Variants in SUGCT observed in about 807,000 individuals in gnomAD.
SUGCT encodes succinyl-CoA:glutarate CoA-transferase.
In SUGCT, 41 loss-of-function variants were observed where a neutral mutation model predicts 55.0. That is an observed-to-expected ratio of 0.74 (90% CI 0.58 to 0.97). The LOEUF is 0.97. SUGCT is among the 50% of genes least tolerant of loss of function. The probability of loss-of-function intolerance (pLI) is 0.00; values close to 1 mark genes in which losing one functional copy is unlikely to be tolerated. For synonymous variants in SUGCT, 187 were observed against 200.4 expected (o/e 0.93, Z 0.56); for missense variants, 568 against 547.8 (o/e 1.04, Z -0.37).
chr7:40,687,766 G>T (rs1774293305), intron 12 of SUGCT, among the ~76,000 whole-genome samples: 1 of 152,100 alleles, frequency 6.6e-6, no homozygotes, highest in African/African-American at 2.4e-5. Context: ...TTTAATTTGT[G>T]CCACCTACAC....
intron 13 of SUGCT, among the ~76,000 whole-genome samples, chr7:40,811,518 T>C (rs1477981536): frequency 6.6e-6 from 1 of 152,072 alleles, no homozygotes; most frequent in African/African-American, 2.4e-5. Context: ...ATTTTGTTTG[T>C]GTGTGGTGGT....
At chr7:40,192,969 G>GT (rs1199959991) in intron 5 of SUGCT, among the ~76,000 whole-genome samples, 4,354 of 138,024 alleles carry the variant, frequency 0.032, 93 homozygotes, top group Non-Finnish European at 0.05. Flanking sequence ...TTGTAGTAGT[G>GT]TTTTTTTTTT....
At chr7:40,850,335 G>C (rs1284348397) in intron 13 of SUGCT, among the ~76,000 whole-genome samples, 1 of 152,168 alleles carries the variant, frequency 6.6e-6, no homozygotes, top group African/African-American at 2.4e-5. Flanking sequence ...CATTTGTAAA[G>C]TGGGGATGAT....
chr7:40,248,005 G>T (rs71536671), intron 7 of SUGCT, among the ~76,000 whole-genome samples: 17,108 of 101,326 alleles, frequency 0.17, 1,014 homozygotes, highest in Admixed American at 0.21. Context: ...TTGTGTTTTT[G>T]TTTTTTTGTT....
intron 13 of SUGCT, among the ~76,000 whole-genome samples, chr7:40,821,263 G>A (rs1791980631): frequency 6.6e-6 from 1 of 152,146 alleles, no homozygotes; most frequent in African/African-American, 2.4e-5. Context: ...TTGGTATCAG[G>A]ATGATGCTGG....
chr7:40,472,059 C>T (rs1289266727), intron 11 of SUGCT, among the ~76,000 whole-genome samples: 3 of 151,978 alleles, frequency 2.0e-5, no homozygotes, highest in Non-Finnish European at 4.4e-5. Flanking sequence ...ATTAGTGTTG[C>T]GTAAGACATA....
At chr7:40,818,656 G>A (rs1439959793) in intron 13 of SUGCT, among the ~76,000 whole-genome samples, 3 of 152,162 alleles carry the variant, frequency 2.0e-5, no homozygotes, top group African/African-American at 7.2e-5. Flanking sequence ...AGAGTAAATG[G>A]GAAGTGAGCC....
At chr7:41,018,687 C>T in the SUGCT span, among the ~76,000 whole-genome samples, 2 of 152,178 alleles carry the variant, frequency 1.3e-5, no homozygotes, top group African/African-American at 4.8e-5. Context: ...TATTCTCTCC[C>T]TACCTAAAAG....
In SUGCT at chr7:40,237,690, G is replaced by A. The variant is rs777838539; in HGVS notation, c.540G>A (p.Ser180=). 4.3e-6 allele frequency: 7 copies of A among 1,613,698 alleles called. No homozygotes were observed. The highest frequency in any genetic ancestry group is 2.2e-5 in the East Asian group (1 of 44,894). ...SQRAGYDAVA[S]AVSGLMHITG... ...GAGCTGGTTATGATGCTGTTGCCTC[G>A]GCTGTTTCTGGTCTGATGCACATCA... The change falls in exon 7 of 14, where the codon TCG becomes TCA. Residue 180 remains serine (S), a synonymous_variant. Coordinates refer to ENST00000335693, the MANE Select transcript of SUGCT (RefSeq NM_001193313.2).
chr7:40,665,381 G>A (rs1490989527), intron 12 of SUGCT, among the ~76,000 whole-genome samples: 2 of 151,864 alleles, frequency 1.3e-5, no homozygotes, highest in Admixed American at 1.3e-4. Context: ...GGTGGAGGTT[G>A]CAGTGAGCCA....
At chr7:40,821,429 C>T (rs1021459836) in intron 13 of SUGCT, among the ~76,000 whole-genome samples, 5 of 152,116 alleles carry the variant, frequency 3.3e-5, no homozygotes, top group Non-Finnish European at 7.4e-5. Context: ...TTAATTATTG[C>T]CTCAATTTTA....
intron 9 of SUGCT, among the ~76,000 whole-genome samples, chr7:40,433,401 A>C (rs975712793): frequency 4.0e-5 from 6 of 151,716 alleles, no homozygotes; most frequent in African/African-American, 1.2e-4. Flanking sequence ...TGTGACATAT[A>C]ATTCAGATTC....
intron 6 of SUGCT, among the ~76,000 whole-genome samples, chr7:40,207,410 G>A (rs1787036125): frequency 6.6e-6 from 1 of 152,030 alleles, no homozygotes; most frequent in Non-Finnish European, 1.5e-5. Context: ...AAAAAACCGG[G>A]AAACAACAAG....
At chr7:40,601,132 C>T (rs2151753347) in intron 12 of SUGCT, among the ~76,000 whole-genome samples, 1 of 152,250 alleles carries the variant, frequency 6.6e-6, no homozygotes, top group East Asian at 1.9e-4. Flanking sequence ...TATCTATGTG[C>T]AGGACCCTTT....
At chr7:40,214,225 C>T (rs1787498605) in intron 6 of SUGCT, among the ~76,000 whole-genome samples, 1 of 152,172 alleles carries the variant, frequency 6.6e-6, no homozygotes, top group African/African-American at 2.4e-5. Context: ...GCCTTCCAGA[C>T]TCTTCTGTCA....
intron 6 of SUGCT, among the ~76,000 whole-genome samples, chr7:40,232,230 C>CA (rs1266067538): frequency 1.3e-5 from 2 of 152,114 alleles, no homozygotes; most frequent in Non-Finnish European, 2.9e-5. Flanking sequence ...CTTTTATTAT[C>CA]AAGTGAAAGC....
chr7:40,272,942 G>A (rs1406918373), intron 7 of SUGCT, among the ~76,000 whole-genome samples: 2 of 151,972 alleles, frequency 1.3e-5, no homozygotes, highest in African/African-American at 4.8e-5. Context: ...TTACAGGTGT[G>A]AGCCACCGTG....
the SUGCT span, among the ~76,000 whole-genome samples, chr7:40,960,855 C>T: frequency 6.6e-6 from 1 of 152,136 alleles, no homozygotes; most frequent in Non-Finnish European, 1.5e-5. Context: ...ATGCATTAGT[C>T]CACAAACATG....
intron 12 of SUGCT, among the ~76,000 whole-genome samples, chr7:40,692,855 T>C (rs1423592733): frequency 6.6e-6 from 1 of 152,198 alleles, no homozygotes; most frequent in Non-Finnish European, 1.5e-5. Context: ...GAGTGACACA[T>C]TCTTGAGAAT....
Sources: allele counts gnomAD v4.1 joint callset (sites outside exome capture counted in the v4.1 genomes callset), GRCh38; gene constraint gnomAD v4.1.1; transcripts MANE v1.5; gene names NCBI Gene and HGNC (gene_info 2026-07-23, HGNC 2026-07-21).